MEI4: variants seen among roughly 807,000 people sequenced by gnomAD.
MEI4 encodes the protein meiotic double-stranded break formation protein 4, also known as meiosis-specific protein MEI4.
MEI4 carries 27 observed loss-of-function variants against 31.4 expected under a neutral mutation model. The observed-to-expected ratio is 0.86, with a 90% CI of 0.63 to 1.19. MEI4 has a LOEUF of 1.19. Among genes scored for constraint, MEI4 ranks in the 50% most tolerant of loss-of-function variants. The pLI, the probability that MEI4 is intolerant of heterozygous loss-of-function variation, is 0.00. For missense variants in MEI4, 329 were observed against 398.9 expected (o/e 0.82, Z 1.49); for synonymous variants, 122 against 145.4 (o/e 0.84, Z 1.16).
intron 2 of MEI4, among the ~76,000 whole-genome samples, chr6:77,705,403 A>G (rs1766310075): frequency 6.6e-6 from 1 of 152,254 alleles, no homozygotes; most frequent in South Asian, 2.1e-4. Flanking sequence ...ATAAGACAAA[A>G]CAAATTTACT....
chr6:77,817,574 C>T (rs1228036708), intron 3 of MEI4, among the ~76,000 whole-genome samples: 5 of 152,140 alleles, frequency 3.3e-5, no homozygotes, highest in African/African-American at 1.2e-4. Context: ...TTAATTTAGC[C>T]TTTATAGACT....
At chr6:77,766,211 A>G (rs1284399959) in intron 3 of MEI4, among the ~76,000 whole-genome samples, 3 of 152,104 alleles carry the variant, frequency 2.0e-5, no homozygotes, top group Non-Finnish European at 2.9e-5. Context: ...AAATTTAACT[A>G]TTTGAATGTT....
chr6:77,892,136 A>G (rs972765664), intron 4 of MEI4, among the ~76,000 whole-genome samples: 2 of 152,092 alleles, frequency 1.3e-5, no homozygotes, highest in African/African-American at 2.4e-5. Flanking sequence ...GTGGACAGGC[A>G]TGTCCTCAGG....
chr6:77,758,104 A>C (rs1179020879), intron 2 of MEI4, among the ~76,000 whole-genome samples: 1 of 151,198 alleles, frequency 6.6e-6, no homozygotes, highest in African/African-American at 2.4e-5. Context: ...TCTGTGAGCC[A>C]AGATCGTGCC....
At chr6:77,682,695 T>C (rs1477852344) in intron 1 of MEI4, among the ~76,000 whole-genome samples, 3 of 152,172 alleles carry the variant, frequency 2.0e-5, no homozygotes, top group Non-Finnish European at 4.4e-5. Context: ...ATTTACTCAC[T>C]ACTATTTAGT....
At chr6:77,687,964 A>G (rs1470714911) in intron 1 of MEI4, among the ~76,000 whole-genome samples, 1 of 152,060 alleles carries the variant, frequency 6.6e-6, no homozygotes, top group Non-Finnish European at 1.5e-5. Flanking sequence ...GAAAGTTCCA[A>G]GCTTTTAATT....
At chr6:77,867,851 A>T (rs1297318860) in intron 4 of MEI4, among the ~76,000 whole-genome samples, 1 of 152,220 alleles carries the variant, frequency 6.6e-6, no homozygotes, top group Non-Finnish European at 1.5e-5. Context: ...GATTAAGCAA[A>T]TGTGACACAT....
At chr6:77,752,348 G>A (rs1024806207) in intron 2 of MEI4, among the ~76,000 whole-genome samples, 4 of 152,102 alleles carry the variant, frequency 2.6e-5, no homozygotes, top group East Asian at 3.9e-4. Context: ...TGCAGATGAC[G>A]TGATTGTATA....
At chr6:77,715,811 TTA>T (rs1376665905) in intron 2 of MEI4, among the ~76,000 whole-genome samples, 1 of 152,236 alleles carries the variant, frequency 6.6e-6, no homozygotes, top group African/African-American at 2.4e-5. Flanking sequence ...TGATGAGTTA[TTA>T]TGTCATGCTT....
chr6:77,846,808 T>C (rs1770497971), intron 4 of MEI4, among the ~76,000 whole-genome samples: 1 of 152,100 alleles, frequency 6.6e-6, no homozygotes, highest in African/African-American at 2.4e-5. Flanking sequence ...GAAACTGGAG[T>C]CTAAGCATTG....
chr6:77,735,415 G>T (rs1471576184), intron 2 of MEI4, among the ~76,000 whole-genome samples: 1 of 151,862 alleles, frequency 6.6e-6, no homozygotes, highest in African/African-American at 2.4e-5. Flanking sequence ...CTTTCTTCCA[G>T]TTGATCGCAT....
intron 2 of MEI4, among the ~76,000 whole-genome samples, chr6:77,759,929 A>G (rs1452763421): frequency 1.3e-5 from 2 of 152,164 alleles, no homozygotes; most frequent in African/African-American, 2.4e-5. Context: ...GCTGACAGCC[A>G]TATTTCTCAT....
Position 77,778,135 on chromosome 6 carries a change from C to T in MEI4, c.768+16470C>T, listed in dbSNP as rs563242583. 1.6e-3 allele frequency among the ~76,000 whole-genome samples: 6 copies of T among 3,644 alleles called. No homozygotes were observed. In the South Asian group the frequency reaches 0.034, roughly 21 times the overall value. The allele number at this position is 3,644 out of a possible 152,430, so 2.4% of individuals were successfully genotyped here. On this transcript the variant is annotated intron_variant, in intron 3 of 4. Coordinates refer to ENST00000684080, the MANE Select transcript of MEI4 (RefSeq NM_001322247.2). The stretch of plus-strand genomic sequence containing the variant: ...ATGTGAGAGAGCAGGCAAGAGAGTG[C>T]GGGGCGGGGGGTGGTGGGGTGGGAA...
chr6:77,864,496 A>G (rs1175015700), intron 4 of MEI4, among the ~76,000 whole-genome samples: 4 of 152,232 alleles, frequency 2.6e-5, no homozygotes, highest in Admixed American at 6.5e-5. Flanking sequence ...GCCATTACAT[A>G]ATGGTAAAAG....
At chr6:77,874,379 A>T (rs1286068243) in intron 4 of MEI4, among the ~76,000 whole-genome samples, 1 of 152,150 alleles carries the variant, frequency 6.6e-6, no homozygotes, top group African/African-American at 2.4e-5. Context: ...TGTGAATGGG[A>T]ATTCACTCAT....
chr6:77,687,068 G>C (rs911547048), intron 1 of MEI4, among the ~76,000 whole-genome samples: 2 of 151,942 alleles, frequency 1.3e-5, no homozygotes, highest in Non-Finnish European at 2.9e-5. Flanking sequence ...TGGAGTAGCT[G>C]TTTCTACATG....
intron 3 of MEI4, among the ~76,000 whole-genome samples, chr6:77,778,120 GC>G (rs1228494539): frequency 7.1e-6 from 1 of 141,038 alleles, no homozygotes; most frequent in African/African-American, 2.6e-5. Flanking sequence ...ATGTGAGAGA[GC>G]AGGCAAGAGA....
intron 4 of MEI4, among the ~76,000 whole-genome samples, chr6:77,841,328 T>TAC (rs1215299282): frequency 7.1e-5 from 5 of 70,196 alleles, no homozygotes; most frequent in Admixed American, 3.2e-4. Flanking sequence ...TATATATATA[T>TAC]ATATATTTTT....
At chr6:77,843,843 T>C (rs1770418199) in intron 4 of MEI4, among the ~76,000 whole-genome samples, 1 of 152,060 alleles carries the variant, frequency 6.6e-6, no homozygotes. Context: ...GACATAATCA[T>C]AGACATTAAG....
Sources: allele counts gnomAD v4.1 joint callset (sites outside exome capture counted in the v4.1 genomes callset), GRCh38; gene constraint gnomAD v4.1.1; transcripts MANE v1.5; gene names NCBI Gene and HGNC (gene_info 2026-07-23, HGNC 2026-07-21).